PLEKHG1: variants seen among roughly 807,000 people sequenced by gnomAD.
PLEKHG1 encodes pleckstrin homology and RhoGEF domain containing G1, also known as pleckstrin homology domain-containing family G member 1.
In PLEKHG1, 44 loss-of-function variants were observed where a neutral mutation model predicts 100.8. The observed-to-expected ratio is 0.44, with a 90% confidence interval of 0.34 to 0.56. PLEKHG1 has a LOEUF of 0.56. Ranked by LOEUF, PLEKHG1 falls within the 20% of genes least tolerant of loss-of-function variation. PLEKHG1 has a pLI of 0.01. For missense variants in PLEKHG1, 1,545 were observed against 1,720.9 expected (o/e 0.90, Z 1.81); for synonymous variants, 640 against 662.5 (o/e 0.97, Z 0.52).
At position 150,737,600 on chromosome 6, in the gene PLEKHG1, C is replaced by G. The variant is rs139259554; in HGVS notation, c.411+3508C>G. Reference sequence around the variant, plus strand: ...AGCCACCGCGCCCGGCCTGGGTATTCTTTTAAAACATAGAATATCAACTCC... The same window carrying G: ...AGCCACCGCGCCCGGCCTGGGTATTGTTTTAAAACATAGAATATCAACTCC... On this transcript the variant is annotated intron_variant, in intron 2 of 15. Coordinates refer to ENST00000358517, the Ensembl canonical transcript of PLEKHG1. Among the ~76,000 whole-genome samples the G allele has an allele frequency of 1.3e-3, 202 of 152,226 alleles. 1 individual carries two copies. Among genetic ancestry groups the G allele is most frequent in the African/African-American group, 4.7e-3 (194 of 41,554 alleles).
intron 3 of PLEKHG1, among the ~76,000 whole-genome samples, chr6:150,710,450 C>T (rs113986285): frequency 6.4e-4 from 98 of 152,164 alleles, no homozygotes; most frequent in African/African-American, 2.3e-3. Flanking sequence ...CTTTTAAGGA[C>T]CCAGTCCAAG....
exon 16 of PLEKHG1, chr6:150,841,550 A>G (rs1259352050): frequency 6.5e-6 from 1 of 152,844 alleles, no homozygotes; most frequent in African/African-American, 2.4e-5. Flanking sequence ...ATTCCTGGAC[A>G]AGGCCTAGAG....
At chr6:150,623,019 C>CT (rs758455220) in intron 1 of PLEKHG1, among the ~76,000 whole-genome samples, 2,293 of 145,316 alleles carry the variant, frequency 0.016, 48 homozygotes, top group African/African-American at 0.048. Flanking sequence ...TAATGAGCAT[C>CT]TTTTTTTTTT....
chr6:150,680,198 A>G (rs4869928), intron 3 of PLEKHG1, among the ~76,000 whole-genome samples: 28,036 of 152,178 alleles, frequency 0.18, 2,653 homozygotes, highest in South Asian at 0.26. Context: ...TTATACTAGT[A>G]CAGATGGAAG....
chr6:150,723,666 A>T (rs1436071598), intron 1 of PLEKHG1, among the ~76,000 whole-genome samples: 1 of 152,174 alleles, frequency 6.6e-6, no homozygotes, highest in East Asian at 1.9e-4. Flanking sequence ...CTTTTTAAGG[A>T]TAATTTTGAC....
At chr6:150,761,193 C>A (rs1007878079) in intron 2 of PLEKHG1, among the ~76,000 whole-genome samples, 2 of 150,576 alleles carry the variant, frequency 1.3e-5, no homozygotes, top group African/African-American at 4.9e-5. Context: ...GCAACCTCCA[C>A]CTCCTGGGTT....
intron 3 of PLEKHG1, chr6:150,664,268 G>A (rs1174340661): frequency 6.6e-6 from 1 of 152,150 alleles, no homozygotes; most frequent in Non-Finnish European, 1.5e-5. Flanking sequence ...CTTTTGATCT[G>A]ATGTGGCCAC....
chr6:150,730,848 G>A (rs1338695496), intron 1 of PLEKHG1, among the ~76,000 whole-genome samples: 1 of 151,726 alleles, frequency 6.6e-6, no homozygotes, highest in Non-Finnish European at 1.5e-5. Context: ...GTTGCAATGA[G>A]CTGAGATCAT....
At chr6:150,799,562 A>T (rs1253260202) in intron 5 of PLEKHG1, among the ~76,000 whole-genome samples, 1 of 152,196 alleles carries the variant, frequency 6.6e-6, no homozygotes, top group Non-Finnish European at 1.5e-5. Context: ...CCAAGCCTTT[A>T]GGTGGCCAAA....
intron 3 of PLEKHG1, among the ~76,000 whole-genome samples, chr6:150,779,656 T>C (rs988303869): frequency 1.3e-5 from 2 of 151,260 alleles, no homozygotes; most frequent in African/African-American, 4.9e-5. Context: ...TGCCAAGAAG[T>C]GTTTCTGTTG....
chr6:150,759,171 A>G (rs1784015325), intron 2 of PLEKHG1, among the ~76,000 whole-genome samples: 1 of 152,178 alleles, frequency 6.6e-6, no homozygotes, highest in Non-Finnish European at 1.5e-5. Context: ...GAAGGACGAG[A>G]ACTCATGAGC....
intron 3 of PLEKHG1, among the ~76,000 whole-genome samples, chr6:150,677,424 C>T (rs1246763702): frequency 1.3e-5 from 2 of 152,196 alleles, no homozygotes; most frequent in Non-Finnish European, 2.9e-5. Flanking sequence ...ACTGATTTCT[C>T]ACCCCATCCC....
chr6:150,655,929 A>G (rs935237950), intron 3 of PLEKHG1, among the ~76,000 whole-genome samples: 1 of 151,846 alleles, frequency 6.6e-6, no homozygotes, highest in Non-Finnish European at 1.5e-5. Flanking sequence ...GGGGAACATC[A>G]CACACCAGGG....
chr6:150,802,961 A>C (rs1469892066), intron 6 of PLEKHG1, among the ~76,000 whole-genome samples: 1 of 152,056 alleles, frequency 6.6e-6, no homozygotes, highest in Non-Finnish European at 1.5e-5. Context: ...TGCCTGGCCC[A>C]TTCACATCAT....
rs897701065 is a variant in PLEKHG1 at position 150,721,172 on chromosome 6, C to T, written c.-127C>T. On this transcript the variant is annotated 5_prime_UTR_variant, in exon 1 of 16. Transcript: ENST00000358517. Reference sequence around the variant, plus strand: ...GGTCACTGCATCAGCTGAAGGCAGACGATGTGCTTAAGCCTGAGTGGAGCA... The same window carrying T: ...GGTCACTGCATCAGCTGAAGGCAGATGATGTGCTTAAGCCTGAGTGGAGCA... 10 of 985,244 alleles carry T rather than the reference C, an allele frequency of 1.0e-5. No homozygotes were observed. In the East Asian group the frequency reaches 3.4e-4, roughly 34 times the overall value. 61.0% of individuals were successfully genotyped at this position (985,244 alleles called of 1,614,324 possible).
chr6:150,832,020 A>T (rs758601270), exon 15 of PLEKHG1: 1 of 1,614,118 alleles, frequency 6.2e-7, no homozygotes, highest in Non-Finnish European at 8.5e-7. Context: ...GAGGCCACAG[A>T]TAAGACAAAA....
At chr6:150,796,305 T>A (rs116622602) in intron 5 of PLEKHG1, among the ~76,000 whole-genome samples, 93 of 152,326 alleles carry the variant, frequency 6.1e-4, no homozygotes, top group Middle Eastern at 3.4e-3. Context: ...AGATTCTATT[T>A]TTTTCCAAAT....
chr6:150,768,366 A>G (rs1206965909), intron 2 of PLEKHG1, among the ~76,000 whole-genome samples: 1 of 152,224 alleles, frequency 6.6e-6, no homozygotes, highest in African/African-American at 2.4e-5. Flanking sequence ...TATTGGCACT[A>G]TGGTCATTGT....
At chr6:150,634,580 T>A (rs1423219802) in intron 1 of PLEKHG1, among the ~76,000 whole-genome samples, 2 of 152,060 alleles carry the variant, frequency 1.3e-5, no homozygotes, top group Admixed American at 6.5e-5. Context: ...ATTAAGTGAA[T>A]AAAAATAAAC....
Sources: gnomAD v4.1 joint callset for allele counts (sites outside exome capture counted in the v4.1 genomes callset) on GRCh38, gnomAD v4.1.1 for gene constraint, MANE v1.5 for transcripts, NCBI Gene and HGNC (gene_info 2026-07-23, HGNC 2026-07-21) for gene names.